The following WNT5A variants were observed in gnomAD, a reference collection of about 807,000 sequenced individuals.
The protein encoded by WNT5A is protein Wnt-5a.
A neutral mutation model predicts 42.1 loss-of-function variants in WNT5A; 9 were observed. The ratio of observed to expected loss-of-function variants is 0.21; its 90% CI spans 0.13 to 0.37. The LOEUF (loss-of-function observed/expected upper bound fraction) is 0.37. Among genes scored for constraint, WNT5A ranks in the 10% least tolerant of loss-of-function variants. The probability of loss-of-function intolerance (pLI) is 1.00; values close to 1 mark genes in which losing one functional copy is unlikely to be tolerated. For missense variants in WNT5A, 426 were observed against 534.0 expected (o/e 0.80, Z 1.99); for synonymous variants, 210 against 210.0 (o/e 1.00, Z 0.00).
intron 3 of WNT5A, among the ~76,000 whole-genome samples, chr3:55,477,309 CCTGT>C (rs2051375912): frequency 2.6e-5 from 4 of 152,228 alleles, no homozygotes; most frequent in Admixed American, 6.5e-5. Flanking sequence ...TCTCTTCTCT[CCTGT>C]CTCTTTTTTA....
chr3:55,479,954 A>C (rs17055405), intron 2 of WNT5A, among the ~76,000 whole-genome samples: 1 of 152,160 alleles, frequency 6.6e-6, no homozygotes, highest in South Asian at 2.1e-4. Context: ...TTGAAAACTT[A>C]TGAATGCTGA....
the WNT5A span, chr3:55,501,598 C>T: frequency 6.6e-6 from 1 of 152,218 alleles, no homozygotes; most frequent in East Asian, 1.9e-4. Flanking sequence ...CAATTACTCA[C>T]CTTTGAGCTC....
At chr3:55,476,353 G>A (rs575301596) in intron 3 of WNT5A, among the ~76,000 whole-genome samples, 79 of 152,304 alleles carry the variant, frequency 5.2e-4, no homozygotes, top group Admixed American at 1.8e-3. Flanking sequence ...CCTGTGATGC[G>A]TTACACCTAT....
At chr3:55,477,408 G>T (rs192706625) in intron 3 of WNT5A, among the ~76,000 whole-genome samples, 1 of 152,106 alleles carries the variant, frequency 6.6e-6, no homozygotes, top group Non-Finnish European at 1.5e-5. Context: ...CTAGGCACTT[G>T]GGGGACCTTT....
At chr3:55,474,037 A>G (rs2051300650) in intron 4 of WNT5A, among the ~76,000 whole-genome samples, 1 of 152,148 alleles carries the variant, frequency 6.6e-6, no homozygotes, top group African/African-American at 2.4e-5. Context: ...TGCAGGGGCA[A>G]CTATGGAGAC....
At chr3:55,471,773 G>A (rs1194586033) in intron 4 of WNT5A, among the ~76,000 whole-genome samples, 1 of 152,206 alleles carries the variant, frequency 6.6e-6, no homozygotes, top group African/African-American at 2.4e-5. Context: ...ACAGTTCCTT[G>A]TGCCAGTGAC....
upstream of WNT5A, chr3:55,489,207 C>T (rs1442589232): frequency 6.6e-6 from 1 of 152,364 alleles, no homozygotes; most frequent in Non-Finnish European, 1.5e-5. Flanking sequence ...CCCCACCCCA[C>T]AAACAGTGCC....
chr3:55,481,294 G>C lies in WNT5A; in HGVS notation c.7-376C>G, dbSNP rs950956254. 1.3e-4 allele frequency: 128 copies of C among 992,550 alleles called. No individual in the cohort carries two copies. In the African/African-American group the frequency reaches 2.1e-3, roughly 16 times the overall value. The allele number at this position is 992,550 out of a possible 1,614,324, so 61.5% of individuals were successfully genotyped here. A position where few individuals can be genotyped will look rare whatever the true frequency, so the allele number is the denominator to read the frequency against. ...CAGTCCCTCCTGGGTAATTCACTCAGGAACCCGCTGCGGCCACCCTCCGTC... is the reference window on the plus strand; with the variant it reads ...CAGTCCCTCCTGGGTAATTCACTCACGAACCCGCTGCGGCCACCCTCCGTC... On this transcript the variant is annotated intron_variant, in intron 1 of 4. Coordinates refer to ENST00000264634, the MANE Select transcript of WNT5A (RefSeq NM_003392.7).
the WNT5A span, among the ~76,000 whole-genome samples, chr3:55,499,528 T>C: frequency 1.0e-3 from 159 of 152,370 alleles, no homozygotes; most frequent in Non-Finnish European, 8.8e-4. Context: ...AAAGTACTCT[T>C]GATTTCCATG....
At chr3:55,481,798 C>T (rs1051930320) in intron 1 of WNT5A, among the ~76,000 whole-genome samples, 3 of 152,100 alleles carry the variant, frequency 2.0e-5, no homozygotes, top group South Asian at 2.1e-4. Context: ...GGGATGGAAC[C>T]CTAGAGGAAA....
chr3:55,499,980 C>CAA, the WNT5A span, among the ~76,000 whole-genome samples: 1 of 140,986 alleles, frequency 7.1e-6, no homozygotes. Context: ...ATCCCCCCTC[C>CAA]AAAAAAAAAA....
At chr3:55,476,142 A>C (rs2051353249) in intron 3 of WNT5A, among the ~76,000 whole-genome samples, 2 of 152,244 alleles carry the variant, frequency 1.3e-5, no homozygotes, top group Admixed American at 1.3e-4. Context: ...CTGAACGAGA[A>C]GGGTCATTCT....
chr3:55,497,068 G>T, the WNT5A span, among the ~76,000 whole-genome samples: 1 of 152,144 alleles, frequency 6.6e-6, no homozygotes, highest in East Asian at 1.9e-4. Context: ...AGTATTGTAC[G>T]TGCCAGATCA....
the WNT5A span, among the ~76,000 whole-genome samples, chr3:55,495,645 TG>T: frequency 6.6e-6 from 1 of 152,218 alleles, no homozygotes; most frequent in Non-Finnish European, 1.5e-5. Context: ...AATGCTGCAA[TG>T]AACATTTGGG....
At chr3:55,487,938 T>G (rs2051607089), upstream of WNT5A, 1 of 150,106 alleles carries the variant, frequency 6.7e-6, no homozygotes. Context: ...CCCCACCACG[T>G]ATCCCGTTCT....
upstream of WNT5A, among the ~76,000 whole-genome samples, chr3:55,488,970 T>A (rs1023408522): frequency 6.6e-6 from 1 of 151,504 alleles, no homozygotes; most frequent in Non-Finnish European, 1.5e-5. Context: ...ACTTGGGTAG[T>A]GGGATGCATG....
chr3:55,470,068 G>C lies in WNT5A; in HGVS notation c.*24C>G. The C allele has an allele frequency of 6.2e-7, 1 of 1,613,654 alleles. No individual in the cohort carries two copies. The highest frequency in any genetic ancestry group is 8.5e-7 in the Non-Finnish European group (1 of 1,179,650). On this transcript the variant is annotated 3_prime_UTR_variant, in exon 5 of 5. Coordinates refer to ENST00000264634, the MANE Select transcript of WNT5A (RefSeq NM_003392.7). ...TATAAATAAGCGGGTCCTGGGAGCG[G>C]GGCTGAGTGCTGGGTGGCACCCACT... is the stretch of plus-strand genomic sequence containing the variant.
At chr3:55,493,070 C>T (rs931991341), upstream of WNT5A, among the ~76,000 whole-genome samples, 9 of 152,180 alleles carry the variant, frequency 5.9e-5, no homozygotes, top group African/African-American at 9.7e-5. Context: ...CCATCAAGAA[C>T]GACACCATCC....
At chr3:55,501,102 G>C in the WNT5A span, among the ~76,000 whole-genome samples, 1 of 152,092 alleles carries the variant, frequency 6.6e-6, no homozygotes, top group Admixed American at 6.5e-5. Context: ...AATTAGTTTG[G>C]GGTCAAATGG....
Sources: allele counts gnomAD v4.1 joint callset (sites outside exome capture counted in the v4.1 genomes callset), GRCh38; gene constraint gnomAD v4.1.1; transcripts MANE v1.5; gene names NCBI Gene and HGNC (gene_info 2026-07-23, HGNC 2026-07-21).